PLS3: variants seen among roughly 807,000 people sequenced by gnomAD.
PLS3 encodes plastin-3.
In PLS3, 11 loss-of-function variants were observed where a neutral mutation model predicts 46.5. The ratio of observed to expected loss-of-function variants is 0.24; its 90% CI spans 0.15 to 0.39. The LOEUF (loss-of-function observed/expected upper bound fraction) is 0.39. Ranked by LOEUF, PLS3 falls within the 10% of genes least tolerant of loss-of-function variation. The pLI is 1.00. For synonymous variants in PLS3, 167 were observed against 162.2 expected, an observed-to-expected ratio of 1.03 and a Z score of -0.22; for missense variants, 308 against 461.8, an observed-to-expected ratio of 0.67 and a Z score of 3.05.
rs1425489956 is a variant in PLS3 at position 115,629,906 on chromosome X, A to G, written c.439A>G (p.Ile147Val). Residue 147 changes from isoleucine to valine, a missense_variant, in exon 5 of 16, where the codon ATA (isoleucine) becomes GTA (valine). Coordinates refer to ENST00000355899, the MANE Select transcript of PLS3 (RefSeq NM_005032.7). ...AAATGATCCTGATTGTAGACATGTT[A>G]TACCAATGAACCCTAACACCGATGA... ...LENDPDCRHV[I>V]PMNPNTDDLF... 1.7e-6 allele frequency: 2 copies of G among 1,167,952 alleles called. No individual in the cohort carries two copies. The highest frequency in any genetic ancestry group is 1.8e-5 in the South Asian group (1 of 54,832).
chrX:115,571,335 T>G lies in PLS3; in HGVS notation c.-9+10075T>G, dbSNP rs782039072. Among the ~76,000 whole-genome samples, 267 of 111,266 alleles carry G rather than the reference T, an allele frequency of 2.4e-3. 4 individuals are homozygous for G. The highest frequency in any genetic ancestry group is 8.3e-3 in the African/African-American group (255 of 30,711). On this transcript the variant is annotated intron_variant, in intron 1 of 15. Transcript: ENST00000355899. Reference sequence around the variant, plus strand: ...GAGTTCGAAACCAGCCTGGCCAACATAGCAAAACTCTGTCTCTACTAAATA... The same window carrying G: ...GAGTTCGAAACCAGCCTGGCCAACAGAGCAAAACTCTGTCTCTACTAAATA...
chrX:115,650,719 T>C lies in PLS3; in HGVS notation c.*1158T>C, dbSNP rs781836694. ...TGTCTCTTAGGAAGTATGCCAATGTTTGTCAGGATTTTTTTCTTTTTGTTT... is the reference window on the plus strand; with the variant it reads ...TGTCTCTTAGGAAGTATGCCAATGTCTGTCAGGATTTTTTTCTTTTTGTTT... On this transcript the variant is annotated 3_prime_UTR_variant, in exon 16 of 16. Coordinates refer to ENST00000355899, the MANE Select transcript of PLS3 (RefSeq NM_005032.7). 2 of 112,111 alleles carry C rather than the reference T, an allele frequency of 1.8e-5. No individual in the cohort carries two copies. The highest frequency in any genetic ancestry group is 5.6e-4 in the East Asian group (2 of 3,555). 9.2% of individuals were successfully genotyped at this position (112,111 alleles called of 1,213,427 possible). A position where few individuals can be genotyped will look rare whatever the true frequency, so the allele number is the denominator to read the frequency against.
intron 3 of PLS3, among the ~76,000 whole-genome samples, chrX:115,622,773 T>G (rs2074669472): frequency 9.0e-6 from 1 of 111,430 alleles, no homozygotes; most frequent in Admixed American, 9.6e-5. Flanking sequence ...AAAATTTTAA[T>G]AATACACCCT....
intron 1 of PLS3, among the ~76,000 whole-genome samples, chrX:115,581,975 C>G (rs2147430467): frequency 8.9e-6 from 1 of 111,973 alleles, no homozygotes; most frequent in Non-Finnish European, 1.9e-5. Flanking sequence ...TACTCCTAAC[C>G]CTGCTTAGGT....
intron 1 of PLS3, among the ~76,000 whole-genome samples, chrX:115,570,946 A>C (rs1258736427): frequency 1.1e-5 from 1 of 89,090 alleles, no homozygotes; most frequent in African/African-American, 4.5e-5. Context: ...TCCAGGCTGG[A>C]GTGCAGTGGC....
At chrX:115,565,035 T>C (rs1185163852) in intron 1 of PLS3, among the ~76,000 whole-genome samples, 1 of 111,993 alleles carries the variant, frequency 8.9e-6, no homozygotes, top group Non-Finnish European at 1.9e-5. Context: ...ATTCAGTGTG[T>C]TGGAGGTTTC....
intron 1 of PLS3, among the ~76,000 whole-genome samples, chrX:115,570,744 A>G (rs1319272283): frequency 1.8e-5 from 2 of 109,119 alleles, no homozygotes; most frequent in African/African-American, 6.7e-5. Flanking sequence ...GATTTTAGAA[A>G]TTAGTGGGGT....
chrX:115,610,124 T>G, intron 1 of PLS3, 119 bp from the exon 2 acceptor site: 1 of 337,547 alleles, frequency 3.0e-6, no homozygotes, highest in Non-Finnish European at 5.2e-6. Flanking sequence ...GGTAACCTAT[T>G]CAGATTGTTT....
intron 1 of PLS3, among the ~76,000 whole-genome samples, chrX:115,596,730 T>C (rs1398461995): frequency 5.4e-5 from 6 of 110,614 alleles, no homozygotes. Flanking sequence ...CTAGCAACTG[T>C]GAAAGCTGAG....
chrX:115,611,796 C>T (rs1253438338), intron 2 of PLS3, among the ~76,000 whole-genome samples: 2 of 111,635 alleles, frequency 1.8e-5, no homozygotes, highest in South Asian at 3.7e-4. Flanking sequence ...TTCATTGTCC[C>T]TTAAAAGCTT....
At chrX:115,567,774 C>T (rs1603215340) in intron 1 of PLS3, among the ~76,000 whole-genome samples, 1 of 87,962 alleles carries the variant, frequency 1.1e-5, no homozygotes, top group East Asian at 3.6e-4. Flanking sequence ...CTGTCCAGTT[C>T]ATTGAAAATA....
chrX:115,606,403 G>T (rs1603231564), intron 1 of PLS3, among the ~76,000 whole-genome samples: 1 of 109,983 alleles, frequency 9.1e-6, no homozygotes, highest in Non-Finnish European at 1.9e-5. Context: ...CTCCCAAAGT[G>T]CTGGGATTAC....
chrX:115,606,093 G>C (rs114233513), intron 1 of PLS3, among the ~76,000 whole-genome samples: 2 of 103,304 alleles, frequency 1.9e-5, no homozygotes, highest in Admixed American at 2.1e-4. Context: ...GGGGGCGGGG[G>C]GCAGGAATGG....
At chrX:115,592,279 G>A (rs1209743282) in intron 1 of PLS3, among the ~76,000 whole-genome samples, 5 of 111,896 alleles carry the variant, frequency 4.5e-5, no homozygotes, top group African/African-American at 1.6e-4. Flanking sequence ...AATAATATCT[G>A]CCACTTACTG....
intron 1 of PLS3, among the ~76,000 whole-genome samples, chrX:115,602,455 A>G (rs1489253489): frequency 9.0e-6 from 1 of 111,416 alleles, no homozygotes; most frequent in African/African-American, 3.3e-5. Flanking sequence ...AGTGTTGCAC[A>G]CCCATCTAAG....
At chrX:115,622,945 A>G (rs2074671094) in intron 3 of PLS3, among the ~76,000 whole-genome samples, 1 of 111,651 alleles carries the variant, frequency 9.0e-6, no homozygotes, top group Non-Finnish European at 1.9e-5. Flanking sequence ...AGAGGCATTT[A>G]ACATTTTTGT....
At chrX:115,633,464 C>G (rs1412147521) in intron 5 of PLS3, among the ~76,000 whole-genome samples, 8 of 111,230 alleles carry the variant, frequency 7.2e-5, no homozygotes, top group Non-Finnish European at 1.3e-4. Context: ...GCCACCATGC[C>G]TGGCCAGGGT....
At chrX:115,603,240 G>A (rs1402894041) in intron 1 of PLS3, among the ~76,000 whole-genome samples, 1 of 111,131 alleles carries the variant, frequency 9.0e-6, no homozygotes, top group Non-Finnish European at 1.9e-5. Context: ...TATGGGTGAC[G>A]CCCTGAATTC....
chrX:115,612,056 T>G lies in PLS3; in HGVS notation c.73+1733T>G, dbSNP rs782359574. On this transcript the variant is annotated intron_variant, in intron 2 of 15. Coordinates refer to ENST00000355899, the MANE Select transcript of PLS3 (RefSeq NM_005032.7). ...CAGAATTTCTGCCTATTGTGAATAT[T>G]ATTCTTTTGTAGTCTCCACTCAGTA... Among the ~76,000 whole-genome samples the G allele has an allele frequency of 8.1e-5, 9 of 111,657 alleles. No homozygotes were observed. In the East Asian group the frequency reaches 2.5e-3, roughly 31 times the overall value.
Sources: gnomAD v4.1 joint callset for allele counts (sites outside exome capture counted in the v4.1 genomes callset) on GRCh38, gnomAD v4.1.1 for gene constraint, MANE v1.5 for transcripts, NCBI Gene and HGNC (gene_info 2026-07-23, HGNC 2026-07-21) for gene names.